Variants in LRRC9 observed in about 807,000 individuals in gnomAD.
LRRC9 encodes the protein leucine-rich repeat-containing protein 9.
LRRC9 carries 122 observed loss-of-function variants against 63.2 expected under a neutral mutation model. The ratio of observed to expected loss-of-function variants is 1.93; its 90% CI spans 1.67 to 2.24. LRRC9 has a LOEUF of 2.24. Ranked by LOEUF, LRRC9 falls within the 30% of genes most tolerant of loss-of-function variation. The pLI is 0.00. For synonymous variants in LRRC9, 366 were observed against 213.1 expected, an observed-to-expected ratio of 1.72 and a Z score of -6.25; for missense variants, 1,071 against 627.7, an observed-to-expected ratio of 1.71 and a Z score of -7.55.
chr14:60,008,245 T>G (rs1413891965), intron 23 of LRRC9, 31 bp downstream of exon 23: 2 of 689,130 alleles, frequency 2.9e-6, no homozygotes, highest in Middle Eastern at 2.3e-4. Context: ...CAACATTTGG[T>G]CTAAGCTGCA....
At chr14:60,016,336 T>C (rs1406883306) in intron 23 of LRRC9, among the ~76,000 whole-genome samples, 1 of 152,120 alleles carries the variant, frequency 6.6e-6, no homozygotes, top group Non-Finnish European at 1.5e-5. Context: ...CCCACATAGC[T>C]ACAACTAGAG....
intron 14 of LRRC9, 52 bp from the exon 15 acceptor site, chr14:59,977,965 G>A: frequency 1.5e-6 from 1 of 668,906 alleles, no homozygotes; most frequent in East Asian, 2.8e-5. Flanking sequence ...GAAAAAGTAT[G>A]TTTCAATTTG....
intron 17 of LRRC9, among the ~76,000 whole-genome samples, chr14:59,995,972 C>A (rs1293955455): frequency 3.3e-5 from 5 of 152,038 alleles, no homozygotes; most frequent in Non-Finnish European, 7.4e-5. Flanking sequence ...AATTTCTTGA[C>A]CTCGTGATCC....
chr14:59,963,889 GATTAC>G (rs1322932625), intron 10 of LRRC9, among the ~76,000 whole-genome samples: 1 of 152,120 alleles, frequency 6.6e-6, no homozygotes, highest in African/African-American at 2.4e-5. Context: ...TATTTTAATA[GATTAC>G]ATTAAGCTTC....
rs547021139 is a variant in LRRC9 at position 60,024,897 on chromosome 14, G to A, written c.3703+2027G>A. ...TGTGTACTTATTGCTTAGCTCCCAC[G>A]TGTAGGTAAGAACATGCAGTATTTG... On this transcript the variant is annotated intron_variant, in intron 27 of 31. Transcript: ENST00000445360. Among the ~76,000 whole-genome samples the A allele has an allele frequency of 4.0e-5, 6 of 151,356 alleles. No homozygotes were observed. In the South Asian group the frequency reaches 8.4e-4, roughly 21 times the overall value.
At chr14:59,984,674 C>T (rs1228541801) in intron 16 of LRRC9, among the ~76,000 whole-genome samples, 5 of 152,136 alleles carry the variant, frequency 3.3e-5, no homozygotes, top group Admixed American at 6.6e-5. Flanking sequence ...TTCTTTGGTT[C>T]GGTGCCCTCA....
chr14:60,049,833 A>G (rs996709696), intron 29 of LRRC9, among the ~76,000 whole-genome samples: 1 of 152,090 alleles, frequency 6.6e-6, no homozygotes, highest in Non-Finnish European at 1.5e-5. Context: ...TCTCCTAGAT[A>G]ATATCCTGAA....
At chr14:60,048,111 A>T (rs1893585470) in intron 29 of LRRC9, among the ~76,000 whole-genome samples, 1 of 152,228 alleles carries the variant, frequency 6.6e-6, no homozygotes, top group African/African-American at 2.4e-5. Flanking sequence ...CAAAGAGACA[A>T]TGTATCAGAA....
rs1377843704 is a variant in LRRC9, at chr14:60,031,704, T to A, written c.3922-291T>A. ...AATTAACCAAATATAATATGAGTCCTAGAATAAATCATAATTCTGAGAAAA... is the reference window on the plus strand; with the variant it reads ...AATTAACCAAATATAATATGAGTCCAAGAATAAATCATAATTCTGAGAAAA... On this transcript the variant is annotated intron_variant, in intron 28 of 31. Coordinates refer to ENST00000445360, the Ensembl canonical transcript of LRRC9. The surrounding 1 kb of genome is among the most constrained non-coding windows in gnomAD (Gnocchi z 4.6). 6.6e-6 allele frequency among the ~76,000 whole-genome samples: 1 copy of A among 152,056 alleles called. No homozygotes were observed. Among genetic ancestry groups the A allele is most frequent in the Non-Finnish European group, 1.5e-5 (1 of 67,952 alleles).
rs1237887150 is a variant in LRRC9, at chr14:60,004,379, T to C, written c.2842+581T>C. Among the ~76,000 whole-genome samples the C allele has an allele frequency of 6.6e-6, 1 of 152,098 alleles. No individual in the cohort carries two copies. The highest frequency in any genetic ancestry group is 2.4e-5 in the African/African-American group (1 of 41,448). On this transcript the variant is annotated intron_variant, in intron 21 of 31. Transcript: ENST00000445360. This position sits in a 1 kb window ranked among gnomAD's most constrained non-coding sequence, Gnocchi z 4.8. ...AACAAGAAATGAAAATTATACTCAC[T>C]AGAGGTTGAAAATAAAATATACTAT...
chr14:59,945,960 C>G (rs1882327424), intron 8 of LRRC9, among the ~76,000 whole-genome samples: 1 of 151,644 alleles, frequency 6.6e-6, no homozygotes, highest in South Asian at 2.1e-4. Flanking sequence ...ATGTGACACA[C>G]TAGATACCAC....
Position 60,051,790 on chromosome 14 carries a change from G to A in LRRC9, c.3991-1275G>A, listed in dbSNP as rs1893912760. 6.6e-6 allele frequency among the ~76,000 whole-genome samples: 1 copy of A among 152,098 alleles called. No homozygotes were observed. The highest frequency in any genetic ancestry group is 2.4e-5 in the African/African-American group (1 of 41,440). ...CTCTGCCAAGACTCCACACTGCTCT[G>A]TGTATCAGACCCAAAGCCCTGGAGA... On this transcript the variant is annotated intron_variant, in intron 29 of 31. Transcript: ENST00000445360. This position sits in a 1 kb window ranked among gnomAD's most constrained non-coding sequence, Gnocchi z 4.7.
In LRRC9 at chr14:59,990,574, T is replaced by TAA. The variant is rs149271207; in HGVS notation, c.2211+5360_2211+5361dup. On this transcript the variant is annotated intron_variant, in intron 17 of 31. Transcript: ENST00000445360. This position sits in a 1 kb window ranked among gnomAD's most constrained non-coding sequence, Gnocchi z 4.2. ...GTGCATGCCACCACACCCTGCTAAT[T>TAA]AAAAAAAAAAACAATTTTGTAGAGA... is the stretch of plus-strand genomic sequence containing the variant. Among the ~76,000 whole-genome samples, 1 of 144,516 alleles carries TAA rather than the reference T, an allele frequency of 6.9e-6. No homozygotes were observed. Among genetic ancestry groups the TAA allele is most frequent in the Non-Finnish European group, 1.5e-5 (1 of 65,378 alleles). The allele number at this position is 144,516 out of a possible 152,430, so 94.8% of individuals were successfully genotyped here.
intron 29 of LRRC9, among the ~76,000 whole-genome samples, chr14:60,033,025 T>G (rs527959990): frequency 6.6e-6 from 1 of 152,324 alleles, no homozygotes; most frequent in Non-Finnish European, 1.5e-5. Context: ...TGTCTTTGAA[T>G]AAATATTTGT....
chr14:59,981,909 A>C lies in LRRC9; in HGVS notation c.1940A>C (p.Asn647Thr), dbSNP rs550368228. The change falls in exon 16 of 32, where the codon AAC becomes ACC. Residue 647 changes from asparagine (N) to threonine (T), a missense_variant. Physicochemically the swap from Asn to Thr is moderately conservative, Grantham distance 65. Coordinates refer to ENST00000445360, the Ensembl canonical transcript of LRRC9. Reference sequence around the variant, plus strand: ...GTTATTCTAGAAGAAAGCAAAAAAAACCCAGAAGTATCAGTATTTTCCAAG... The same window carrying C: ...GTTATTCTAGAAGAAAGCAAAAAAACCCCAGAAGTATCAGTATTTTCCAAG... The C allele has an allele frequency of 4.0e-5, 28 of 702,506 alleles. No individual in the cohort carries two copies. The East Asian group carries it at 5.9e-4, about 15-fold the overall frequency. The allele number at this position is 702,506 out of a possible 1,614,324, so 43.5% of individuals were successfully genotyped here.
At chr14:59,999,433 C>A (rs903792795) in intron 19 of LRRC9, among the ~76,000 whole-genome samples, 2 of 152,076 alleles carry the variant, frequency 1.3e-5, no homozygotes, top group East Asian at 1.9e-4. Context: ...TCTTGACTAT[C>A]CATGAACACT....
At position 60,023,566 on chromosome 14, in the gene LRRC9, ATTAAT is replaced by A. The variant is rs893919190; in HGVS notation, c.3703+699_3703+703del. Among the ~76,000 whole-genome samples, 15 of 152,128 alleles carry A rather than the reference ATTAAT, an allele frequency of 9.9e-5. 1 individual carries two copies. Among genetic ancestry groups the A allele is most frequent in the Admixed American group, 6.6e-4 (10 of 15,250 alleles). ...AAGAGTTATAAATCCTCTAAACATGATTAATTTGATAAATAATCCTCATTTCAATA... is the reference window on the plus strand; with the variant it reads ...AAGAGTTATAAATCCTCTAAACATGATTGATAAATAATCCTCATTTCAATA... On this transcript the variant is annotated intron_variant, in intron 27 of 31. Coordinates refer to ENST00000445360, the Ensembl canonical transcript of LRRC9.
intron 8 of LRRC9, among the ~76,000 whole-genome samples, chr14:59,954,918 T>C (rs1883569286): frequency 6.6e-6 from 1 of 152,208 alleles, no homozygotes; most frequent in African/African-American, 2.4e-5. Flanking sequence ...GTTTTTGTCA[T>C]TGGTTATGTT....
intron 29 of LRRC9, among the ~76,000 whole-genome samples, chr14:60,044,715 A>C (rs1205275275): frequency 1.3e-5 from 2 of 152,208 alleles, no homozygotes. Context: ...GATATGGTCT[A>C]TTATGGAAAA....
Sources: gnomAD v4.1 joint callset for allele counts (sites outside exome capture counted in the v4.1 genomes callset) on GRCh38, gnomAD v4.1.1 for gene constraint, Gnocchi (gnomAD v3.1) non-coding constraint, MANE v1.5 for transcripts, NCBI Gene and HGNC (gene_info 2026-07-23, HGNC 2026-07-21) for gene names.